POLQ: variants seen among roughly 807,000 people sequenced by gnomAD.
POLQ encodes the protein DNA polymerase theta.
In POLQ, 233 loss-of-function variants were observed where a neutral mutation model predicts 259.2. The ratio of observed to expected loss-of-function variants is 0.90; its 90% CI spans 0.81 to 1.00. The LOEUF is 1.00. Ranked by LOEUF, POLQ falls within the 50% of genes least tolerant of loss-of-function variation. The pLI, the probability that POLQ is intolerant of heterozygous loss-of-function variation, is 0.00. For missense variants in POLQ, 2,871 were observed against 3,051.6 expected (o/e 0.94, Z 1.39); for synonymous variants, 1,025 against 1,048.8 (o/e 0.98, Z 0.44).
chr3:121,468,701 T>C (rs558672270), intron 22 of POLQ, among the ~76,000 whole-genome samples: 42 of 152,342 alleles, frequency 2.8e-4, no homozygotes, highest in Non-Finnish European at 5.6e-4. Context: ...TTTGATAAAC[T>C]GAACTAGTCT....
chr3:121,477,919 G>A (rs936377706), intron 19 of POLQ, among the ~76,000 whole-genome samples: 3 of 152,278 alleles, frequency 2.0e-5, no homozygotes, highest in African/African-American at 4.8e-5. Context: ...GTACGAGACC[G>A]TCAGAGCCTG....
chr3:121,500,162 G>T (rs2048155434), intron 12 of POLQ, among the ~76,000 whole-genome samples: 1 of 151,782 alleles, frequency 6.6e-6, no homozygotes, highest in South Asian at 2.1e-4. Context: ...CATGCCTGTG[G>T]TCCCAGCTAC....
intron 25 of POLQ, among the ~76,000 whole-genome samples, chr3:121,454,697 T>C (rs1022386170): frequency 4.6e-5 from 7 of 152,168 alleles, no homozygotes; most frequent in African/African-American, 1.2e-4. Flanking sequence ...CCTAAACATA[T>C]ATGTACCCAA....
At position 121,431,487 on chromosome 3, in the gene POLQ, T is replaced by G. The variant is rs2047491571; in HGVS notation, c.*817A>C. ...AAAAGATTAGCTCCATCCCTCTGAT[T>G]GGGATCACAAAGTACAATCTTTTCA... On this transcript the variant is annotated 3_prime_UTR_variant, in exon 30 of 30. Coordinates refer to ENST00000264233, the MANE Select transcript of POLQ (RefSeq NM_199420.4). 1 of 152,286 alleles carries G rather than the reference T, an allele frequency of 6.6e-6. No individual in the cohort carries two copies. Among genetic ancestry groups the G allele is most frequent in the Non-Finnish European group, 1.5e-5 (1 of 68,012 alleles). The allele number at this position is 152,286 out of a possible 1,614,324, so 9.4% of individuals were successfully genotyped here. A position where few individuals can be genotyped will look rare whatever the true frequency, so the allele number is the denominator to read the frequency against.
chr3:121,509,471 T>G, intron 12 of POLQ, 90 bp downstream of exon 12: 1 of 1,098,394 alleles, frequency 9.1e-7, no homozygotes. Context: ...ACAGACGAGA[T>G]GTTCTGTTAG....
chr3:121,432,975 G>A lies in POLQ; in HGVS notation c.7602C>T (p.Phe2534=), dbSNP rs1191548844. ...GMFCPIRGGF[F]ILQLHDELLY... Reference sequence around the variant, plus strand: ...GGAGTTCATCATGGAGTTGAAGGATGAAGAAGCCTCCTCTGATTGGGCAGA... The same window carrying A: ...GGAGTTCATCATGGAGTTGAAGGATAAAGAAGCCTCCTCTGATTGGGCAGA... The change falls in exon 29 of 30, where the codon TTC becomes TTT. Residue 2534 remains phenylalanine (F), a synonymous_variant. Coordinates refer to ENST00000264233, the MANE Select transcript of POLQ (RefSeq NM_199420.4). 6 of 1,612,666 alleles carry A rather than the reference G, an allele frequency of 3.7e-6. No individual in the cohort carries two copies. In the African/African-American group the frequency reaches 6.7e-5, roughly 18 times the overall value.
In POLQ at chr3:121,494,597, A is replaced by C. The variant is rs968143557; in HGVS notation, c.2279-876T>G. 13 of 1,549,678 alleles carry C rather than the reference A, an allele frequency of 8.4e-6. No individual in the cohort carries two copies. In the African/African-American group the frequency reaches 1.5e-4, roughly 18 times the overall value. On this transcript the variant is annotated intron_variant, in intron 14 of 29. Transcript: ENST00000264233. ...GGTGATTGCACACAACGCGGATCCC[A>C]TCAAGCTGGCTGTCTTCTTGCCTGC...
At chr3:121,478,725 G>A (rs1374642114) in intron 19 of POLQ, among the ~76,000 whole-genome samples, 4 of 152,022 alleles carry the variant, frequency 2.6e-5, no homozygotes, top group African/African-American at 9.7e-5. Flanking sequence ...AGCTGATGTT[G>A]CCATATTCAT....
rs191513986 is a variant in POLQ, at chr3:121,497,804, T to A, written c.2153+673A>T. 4.7e-3 allele frequency among the ~76,000 whole-genome samples: 710 copies of A among 152,304 alleles called. 9 individuals are homozygous for A. The highest frequency in any genetic ancestry group is 0.016 in the African/African-American group (662 of 41,552). On this transcript the variant is annotated intron_variant, in intron 13 of 29. Transcript: ENST00000264233. ...TTTCCACCTGAATCTTTTAATTAGC[T>A]CTTCTCCTCTATTGGTAATGAATCA...
Position 121,509,698 on chromosome 3 carries a change from C to A in POLQ, c.1822G>T (p.Val608Leu), listed in dbSNP as rs1388437403. Residue 608 changes from valine to leucine, a missense_variant, in exon 12 of 30, where the codon GTG (valine) becomes TTG (leucine). Val to Leu is a conservative substitution (Grantham distance 32). Around this residue, in one of 3 missense-constraint regions of POLQ, gnomAD observed 783 missense variants for 906.2 expected, o/e 0.86. Transcript: ENST00000264233. ...TEASDGTEGK[V>L]YHPTHLGSAT... ...GAACCAAGATGTGTTGGATGATACA[C>A]CTTTCCTGGTTTAGGGTTAGGGTGA... is the stretch of plus-strand genomic sequence containing the variant. 2.5e-6 allele frequency: 4 copies of A among 1,612,150 alleles called. No homozygotes were observed. The highest frequency in any genetic ancestry group is 1.7e-5 in the Admixed American group (1 of 59,638).
At chr3:121,473,930 T>C (rs561500465) in intron 20 of POLQ, among the ~76,000 whole-genome samples, 2 of 152,216 alleles carry the variant, frequency 1.3e-5, no homozygotes, top group South Asian at 4.1e-4. Flanking sequence ...TTTCGCCATG[T>C]TGGCCAGGGT....
At position 121,436,290 on chromosome 3, in the gene POLQ, C is replaced by G. The variant is rs761040805; in HGVS notation, c.7390-15G>C. On this transcript the variant is annotated splice_polypyrimidine_tract_variant and intron_variant, in intron 27 of 29. Coordinates refer to ENST00000264233, the MANE Select transcript of POLQ (RefSeq NM_199420.4). ...TGACGCTCAGCCTAGAAAAAACAAT[C>G]AACAGGTGCTCCACCAGATATGCCA... 1 of 1,612,864 alleles carries G rather than the reference C, an allele frequency of 6.2e-7. No homozygotes were observed. Among genetic ancestry groups the G allele is most frequent in the Non-Finnish European group, 8.5e-7 (1 of 1,179,082 alleles).
At chr3:121,533,927 G>A (rs1176982296) in intron 5 of POLQ, among the ~76,000 whole-genome samples, 3 of 120,444 alleles carry the variant, frequency 2.5e-5, no homozygotes, top group Admixed American at 1.1e-4. Context: ...TTTTTGAGAC[G>A]GAGTCTTGCT....
At position 121,432,230 on chromosome 3, in the gene POLQ, A is replaced by G; in HGVS notation, c.*74T>C. On this transcript the variant is annotated 3_prime_UTR_variant, in exon 30 of 30. Coordinates refer to ENST00000264233, the MANE Select transcript of POLQ (RefSeq NM_199420.4). Reference sequence around the variant, plus strand: ...AAGTTTGTTTTGCTGAGGTAGGTGAAAGGGTAATCTCTGTTCTTTCCAGGT... The same window carrying G: ...AAGTTTGTTTTGCTGAGGTAGGTGAGAGGGTAATCTCTGTTCTTTCCAGGT... 7.3e-7 allele frequency: 1 copy of G among 1,375,536 alleles called. No individual in the cohort carries two copies. The highest frequency in any genetic ancestry group is 9.8e-7 in the Non-Finnish European group (1 of 1,024,050). 85.2% of individuals were successfully genotyped at this position (1,375,536 alleles called of 1,614,324 possible). A position where few individuals can be genotyped will look rare whatever the true frequency, so the allele number is the denominator to read the frequency against.
At position 121,489,502 on chromosome 3, in the gene POLQ, A is replaced by C. The variant is rs762197032; in HGVS notation, c.3429T>G (p.Ser1143Arg). Residue 1143 changes from serine to arginine, a missense_variant, in exon 16 of 30, where the codon AGT becomes AGG. Physicochemically the swap from Ser to Arg is moderately radical, Grantham distance 110. This residue lies in a region of POLQ where 2,080 missense variants were observed against 2,126.0 expected (regional missense o/e 0.98). Transcript: ENST00000264233. ...FVEHIVTGSQ[S>R]KNVTCQATSV... ...TAGTGGCCTGACAAGTCACATTTTT[A>C]CTCTGAGATCCTGTGACAATATGCT... 6 of 1,613,818 alleles carry C rather than the reference A, an allele frequency of 3.7e-6. No homozygotes were observed. The highest frequency in any genetic ancestry group is 5.1e-6 in the Non-Finnish European group (6 of 1,179,918).
chr3:121,542,221 G>A (rs2048495479), intron 2 of POLQ, among the ~76,000 whole-genome samples: 1 of 151,938 alleles, frequency 6.6e-6, no homozygotes, highest in African/African-American at 2.4e-5. Flanking sequence ...GAGAAGGTAA[G>A]GAAGAAAGCA....
intron 12 of POLQ, among the ~76,000 whole-genome samples, chr3:121,500,524 C>A (rs2048159311): frequency 6.6e-6 from 1 of 151,852 alleles, no homozygotes; most frequent in Non-Finnish European, 1.5e-5. Flanking sequence ...AAAGACTATG[C>A]AATCTGAAAG....
chr3:121,472,127 G>T lies in POLQ; in HGVS notation c.6581C>A (p.Pro2194Gln), dbSNP rs2047888444. Residue 2194 changes from proline (P) to glutamine (Q), a missense_variant, in exon 22 of 30, where the codon CCA becomes CAA. Coordinates refer to ENST00000264233, the MANE Select transcript of POLQ (RefSeq NM_199420.4). ...LNKLKALHPL[P>Q]GLILEWRRIT... ...TCTTCTCCATTCTAATATCAAGCCTGGTAAAGGATGTAATGCCTTTAATTT... is the reference window on the plus strand; with the variant it reads ...TCTTCTCCATTCTAATATCAAGCCTTGTAAAGGATGTAATGCCTTTAATTT... 1 of 1,558,712 alleles carries T rather than the reference G, an allele frequency of 6.4e-7. No individual in the cohort carries two copies. Among genetic ancestry groups the T allele is most frequent in the Non-Finnish European group, 8.8e-7 (1 of 1,138,834 alleles).
intron 15 of POLQ, among the ~76,000 whole-genome samples, chr3:121,491,346 CAAAAAAAAAAAAAAAA>C (rs3045625): frequency 8.5e-4 from 66 of 77,984 alleles, no homozygotes; most frequent in African/African-American, 3.2e-3. Context: ...GAGACTGTCA[CAAAAAAAAAAAAAAAA>C]AAAAAAAAAG....
Sources: gnomAD v4.1 joint callset for allele counts (sites outside exome capture counted in the v4.1 genomes callset) on GRCh38, gnomAD v4.1.1 for gene constraint, gnomAD v4.1.1 regional missense constraint, MANE v1.5 for transcripts, NCBI Gene and HGNC (gene_info 2026-07-23, HGNC 2026-07-21) for gene names.